Variants in SRPK2 observed in about 807,000 individuals in gnomAD.
SRPK2 encodes the protein SRSF protein kinase 2.
Under a neutral mutation model 90.8 loss-of-function variants are expected in SRPK2, and 21 were observed. The ratio of observed to expected loss-of-function variants is 0.23; its 90% confidence interval spans 0.16 to 0.33. SRPK2 has a LOEUF of 0.33. Ranked by LOEUF, SRPK2 falls within the 10% of genes least tolerant of loss-of-function variation. The probability of loss-of-function intolerance (pLI) is 1.00; values close to 1 mark genes in which losing one functional copy is unlikely to be tolerated. For missense variants in SRPK2, 620 were observed against 869.0 expected, an observed-to-expected ratio of 0.71 and a Z score of 3.60; for synonymous variants, 288 against 311.1, an observed-to-expected ratio of 0.93 and a Z score of 0.78.
intron 7 of SRPK2, among the ~76,000 whole-genome samples, chr7:105,154,057 C>A (rs148257193): frequency 1.3e-5 from 2 of 152,222 alleles, no homozygotes; most frequent in Non-Finnish European, 2.9e-5. Flanking sequence ...GCCAGAGACA[C>A]GCTCAAACCA....
At chr7:105,156,900 T>G (rs750170343) in intron 7 of SRPK2, among the ~76,000 whole-genome samples, 2 of 152,184 alleles carry the variant, frequency 1.3e-5, no homozygotes, top group African/African-American at 4.8e-5. Flanking sequence ...TAGGGTATAT[T>G]TGATGCCAAA....
chr7:105,218,858 C>T (rs73715449), intron 2 of SRPK2, among the ~76,000 whole-genome samples: 6,699 of 150,794 alleles, frequency 0.044, 491 homozygotes, highest in African/African-American at 0.15. Flanking sequence ...TTTTCTCCTT[C>T]GTAGTTGAAA....
At chr7:105,259,264 G>A (rs890585144) in intron 2 of SRPK2, among the ~76,000 whole-genome samples, 5 of 152,132 alleles carry the variant, frequency 3.3e-5, no homozygotes, top group African/African-American at 4.8e-5. Context: ...GCCAAATCAT[G>A]AGTGAACTCC....
At chr7:105,389,150 C>T (rs1822047055), upstream of SRPK2, 6 of 1,014,600 alleles carry the variant, frequency 5.9e-6, no homozygotes, top group African/African-American at 5.3e-5. Context: ...GCCTCCGCCT[C>T]CTGCGATCCT....
At chr7:105,208,854 G>A (rs1796517775) in intron 2 of SRPK2, among the ~76,000 whole-genome samples, 3 of 152,130 alleles carry the variant, frequency 2.0e-5, no homozygotes, top group East Asian at 1.9e-4. Flanking sequence ...AGGTGTGGTG[G>A]TGCACACCTG....
intron 2 of SRPK2, among the ~76,000 whole-genome samples, chr7:105,355,273 A>C (rs1817649143): frequency 1.3e-5 from 2 of 152,052 alleles, no homozygotes; most frequent in Admixed American, 1.3e-4. Flanking sequence ...CAGCAGGAGG[A>C]GTGCTAGAGA....
intron 2 of SRPK2, chr7:105,205,896 A>G: frequency 1.9e-6 from 1 of 514,796 alleles, no homozygotes; most frequent in Non-Finnish European, 3.9e-6. Flanking sequence ...TAACTCAGAA[A>G]CTTTATATAA....
Position 105,300,527 on chromosome 7 carries a change from A to G in SRPK2, c.71+88121T>C, listed in dbSNP as rs117636043. On this transcript the variant is annotated intron_variant, in intron 2 of 15. Transcript: ENST00000393651. Reference sequence around the variant, plus strand: ...GCCAAAATACAACTAATGGAAATTAATGCACATCTAAGCTTCATGTCAGTA... The same window carrying G: ...GCCAAAATACAACTAATGGAAATTAGTGCACATCTAAGCTTCATGTCAGTA... Among the ~76,000 whole-genome samples, 778 of 152,340 alleles carry G rather than the reference A, an allele frequency of 5.1e-3. 12 individuals are homozygous for G. The East Asian group carries it at 0.055, about 11-fold the overall frequency.
At chr7:105,151,995 G>C (rs1329009526) in intron 7 of SRPK2, among the ~76,000 whole-genome samples, 4 of 144,942 alleles carry the variant, frequency 2.8e-5, no homozygotes, top group Non-Finnish European at 6.0e-5. Flanking sequence ...CCACACTCCA[G>C]TATGGGCAAC....
chr7:105,166,812 G>T lies in SRPK2; in HGVS notation c.514+565C>A, dbSNP rs77352257. Among the ~76,000 whole-genome samples the T allele has an allele frequency of 3.1e-3, 470 of 152,264 alleles. 14 individuals are homozygous for T. In the East Asian group the frequency reaches 0.062, roughly 20 times the overall value. ...AAAATGTTTCCATACTCACCTGACA[G>T]AAAGATGAGCCTCTGCAGGACAATT... is the stretch of plus-strand genomic sequence containing the variant. On this transcript the variant is annotated intron_variant, in intron 6 of 15. Coordinates refer to ENST00000393651, the MANE Select transcript of SRPK2 (RefSeq NM_182692.3).
rs1342017506 is a variant in SRPK2, at chr7:105,329,878, T to A, written c.71+58770A>T. On this transcript the variant is annotated intron_variant, in intron 2 of 15. Coordinates refer to ENST00000393651, the MANE Select transcript of SRPK2 (RefSeq NM_182692.3). ...AACCCCGTCTCTACTAAAAAAAAAA[T>A]ACAAAAATTAGCCGGGTGTGGCGGC... 1.1e-4 allele frequency among the ~76,000 whole-genome samples: 16 copies of A among 143,662 alleles called. 2 individuals carry two copies. Among genetic ancestry groups the A allele is most frequent in the Admixed American group, 1.1e-3 (16 of 14,484 alleles). The allele number at this position is 143,662 out of a possible 152,430, so 94.2% of individuals were successfully genotyped here. A position where few individuals can be genotyped will look rare whatever the true frequency, so the allele number is the denominator to read the frequency against.
At chr7:105,392,522 A>G (rs958629694), upstream of SRPK2, among the ~76,000 whole-genome samples, 2 of 152,156 alleles carry the variant, frequency 1.3e-5, no homozygotes, top group African/African-American at 4.8e-5. Flanking sequence ...TTATAATCCT[A>G]TCATTTTTGA....
intron 2 of SRPK2, among the ~76,000 whole-genome samples, chr7:105,348,900 C>A (rs1816801462): frequency 1.3e-5 from 2 of 151,688 alleles, no homozygotes; most frequent in South Asian, 4.2e-4. Context: ...AATCCCAGCA[C>A]TTTGGGAGGC....
intron 2 of SRPK2, among the ~76,000 whole-genome samples, chr7:105,309,668 T>C: frequency 6.6e-6 from 1 of 152,154 alleles, no homozygotes; most frequent in East Asian, 1.9e-4. Context: ...ATAGTCACAT[T>C]TTTTTTCAGA....
intron 2 of SRPK2, among the ~76,000 whole-genome samples, chr7:105,377,262 T>C (rs577590285): frequency 1.3e-5 from 2 of 152,140 alleles, no homozygotes; most frequent in African/African-American, 4.8e-5. Flanking sequence ...TTAATGCACC[T>C]TCATTCAGCC....
chr7:105,297,390 C>G, intron 2 of SRPK2: 1 of 875,430 alleles, frequency 1.1e-6, no homozygotes, highest in South Asian at 5.2e-5. Flanking sequence ...ACAGCTATCA[C>G]GTTTTCACTA....
At position 105,179,733 on chromosome 7, in the gene SRPK2, G is replaced by A. The variant is rs950816831; in HGVS notation, c.230-10468C>T. ...CTAGCTACTGGGGAGGCTGAGGCAG[G>A]AGAATCACTTGAACCCAGGAGGCAG... On this transcript the variant is annotated intron_variant, in intron 3 of 15. Transcript: ENST00000393651. 3.3e-5 allele frequency among the ~76,000 whole-genome samples: 5 copies of A among 149,292 alleles called. No homozygotes were observed. The Admixed American group carries it at 3.4e-4, about 10-fold the overall frequency.
chr7:105,139,336 A>C (rs1393113451), intron 11 of SRPK2, among the ~76,000 whole-genome samples: 1 of 152,218 alleles, frequency 6.6e-6, no homozygotes, highest in African/African-American at 2.4e-5. Context: ...TGCCCACTTT[A>C]GGGACAAGGC....
At chr7:105,349,241 G>A (rs1336222563) in intron 2 of SRPK2, among the ~76,000 whole-genome samples, 7 of 146,968 alleles carry the variant, frequency 4.8e-5, no homozygotes, top group African/African-American at 1.8e-4. Flanking sequence ...GAATTAAGGG[G>A]GCCAAGCATG....
Sources: gnomAD v4.1 joint callset for allele counts (sites outside exome capture counted in the v4.1 genomes callset) on GRCh38, gnomAD v4.1.1 for gene constraint, MANE v1.5 for transcripts, NCBI Gene and HGNC (gene_info 2026-07-23, HGNC 2026-07-21) for gene names.